The following ZNF346 variants were observed in gnomAD, a reference collection of about 807,000 sequenced individuals.
The protein encoded by ZNF346 is double-stranded RNA-binding zinc finger protein JAZ.
In ZNF346, 23 loss-of-function variants were observed where a neutral mutation model predicts 33.7. The ratio of observed to expected loss-of-function variants is 0.68; its 90% confidence interval spans 0.49 to 0.97. The LOEUF is 0.97. Ranked by LOEUF, ZNF346 falls within the 50% of genes least tolerant of loss-of-function variation. The pLI is 0.00. For synonymous variants in ZNF346, 134 were observed against 142.4 expected, an observed-to-expected ratio of 0.94 and a Z score of 0.42; for missense variants, 340 against 371.1, an observed-to-expected ratio of 0.92 and a Z score of 0.69.
intron 1 of ZNF346, among the ~76,000 whole-genome samples, chr5:177,027,656 CTT>C (rs201396588): frequency 1.4e-5 from 2 of 141,028 alleles, no homozygotes; most frequent in Admixed American, 7.1e-5. Context: ...TCTTCCTTTC[CTT>C]TTTTTTTTTT....
chr5:177,046,990 T>G (rs777928375), intron 4 of ZNF346, among the ~76,000 whole-genome samples: 1 of 151,986 alleles, frequency 6.6e-6, no homozygotes, highest in Admixed American at 6.6e-5. Flanking sequence ...TATGCACATA[T>G]GGATTACACG....
At chr5:177,044,245 C>T in intron 3 of ZNF346, 144 bp from the exon 4 acceptor site, 1 of 860,124 alleles carries the variant, frequency 1.2e-6, no homozygotes, top group Non-Finnish European at 1.8e-6. Context: ...GACAAAGTAG[C>T]TGGAGAAGAA....
At chr5:177,055,715 T>C (rs930355930) in intron 5 of ZNF346, among the ~76,000 whole-genome samples, 12 of 151,634 alleles carry the variant, frequency 7.9e-5, no homozygotes, top group Non-Finnish European at 7.4e-5. Flanking sequence ...CCAAGATAGG[T>C]GGATCACTTG....
intron 4 of ZNF346, among the ~76,000 whole-genome samples, chr5:177,045,504 A>G (rs1779912772): frequency 6.6e-6 from 1 of 151,854 alleles, no homozygotes; most frequent in South Asian, 2.1e-4. Flanking sequence ...ACAGGTGCCC[A>G]CCACCATGCC....
rs539219324 is a variant in ZNF346, at chr5:177,077,129, C to T, written c.*3-2253C>T. On this transcript the variant is annotated intron_variant, in intron 8 of 8. Coordinates refer to the ZNF346 transcript ENST00000503039. The surrounding 1 kb of genome is among the most constrained non-coding windows in gnomAD (Gnocchi z 5.0). Reference sequence around the variant, plus strand: ...CAGCCAAATATTTGTTATGTAAAGTCGTTAAGTTTAAAAGTAATGTGTTAT... The same window carrying T: ...CAGCCAAATATTTGTTATGTAAAGTTGTTAAGTTTAAAAGTAATGTGTTAT... Among the ~76,000 whole-genome samples the T allele has an allele frequency of 2.6e-5, 4 of 152,270 alleles. 1 individual carries two copies. The highest frequency in any genetic ancestry group is 7.2e-5 in the African/African-American group (3 of 41,562).
chr5:177,039,181 G>A (rs1779012012), intron 1 of ZNF346, among the ~76,000 whole-genome samples: 1 of 151,718 alleles, frequency 6.6e-6, no homozygotes, highest in Non-Finnish European at 1.5e-5. Flanking sequence ...ATTACCAATC[G>A]TGCCTGGCCA....
intron 4 of ZNF346, among the ~76,000 whole-genome samples, chr5:177,049,265 G>A (rs1013185087): frequency 3.9e-5 from 6 of 152,132 alleles, no homozygotes; most frequent in Admixed American, 2.0e-4. Flanking sequence ...ATTTCTTCTG[G>A]CTTGCCCAAA....
At chr5:177,044,753 A>G (rs889903388) in intron 4 of ZNF346, among the ~76,000 whole-genome samples, 2 of 152,158 alleles carry the variant, frequency 1.3e-5, no homozygotes, top group African/African-American at 4.8e-5. Flanking sequence ...GTTTTTCTCT[A>G]TAGGCTGAGC....
intron 5 of ZNF346, among the ~76,000 whole-genome samples, chr5:177,055,602 C>T (rs903302041): frequency 1.3e-5 from 2 of 151,972 alleles, no homozygotes; most frequent in South Asian, 2.1e-4. Flanking sequence ...TAATTTGAAC[C>T]GGCAAAGTAT....
Position 177,050,759 on chromosome 5 carries a change from C to T in ZNF346, c.526C>T (p.Gln176Ter), listed in dbSNP as rs1339933585. 1 of 1,614,178 alleles carries T rather than the reference C, an allele frequency of 6.2e-7. No homozygotes were observed. Among genetic ancestry groups the T allele is most frequent in the Non-Finnish European group, 8.5e-7 (1 of 1,180,026 alleles). The part of the protein sequence containing the change: ...QQSTKVEALH[Q>*]NREMIDPDKF... Reference sequence around the variant, plus strand: ...TGTGGCCTCCACCTTAGCCTTGCACCAGAATAGAGAGATGATAGACCCAGA... The same window carrying T: ...TGTGGCCTCCACCTTAGCCTTGCACTAGAATAGAGAGATGATAGACCCAGA... Residue 176 changes from glutamine (Q) to a stop codon, truncating the protein, a stop_gained, in exon 5 of 7, where the codon CAG becomes TAG. Coordinates refer to ENST00000358149, the MANE Select transcript of ZNF346 (RefSeq NM_012279.4). LOFTEE classifies it high-confidence loss of function.
Position 177,064,796 on chromosome 5 carries a change from G to A in ZNF346, c.*197G>A. The A allele has an allele frequency of 1.7e-6, 1 of 587,964 alleles. No individual in the cohort carries two copies. The highest frequency in any genetic ancestry group is 1.9e-5 in the African/African-American group (1 of 53,802). The allele number at this position is 587,964 out of a possible 1,614,324, so 36.4% of individuals were successfully genotyped here. The stretch of plus-strand genomic sequence containing the variant: ...CTCCCCTTTGGCAGGGGTCCTGTAG[G>A]TCATGACAGGGGAGGCAAGGGTATT... On this transcript the variant is annotated 3_prime_UTR_variant, in exon 7 of 7. Coordinates refer to ENST00000358149, the MANE Select transcript of ZNF346 (RefSeq NM_012279.4).
At chr5:177,072,718 G>T (rs528784402), downstream of ZNF346, among the ~76,000 whole-genome samples, 7 of 152,072 alleles carry the variant, frequency 4.6e-5, no homozygotes, top group Non-Finnish European at 1.0e-4. Context: ...GCGTGGTGGC[G>T]CACGTCTGTA....
intron 1 of ZNF346, among the ~76,000 whole-genome samples, chr5:177,026,934 C>G (rs1776865046): frequency 6.6e-6 from 1 of 152,080 alleles, no homozygotes; most frequent in African/African-American, 2.4e-5. Context: ...GTGGCAATAG[C>G]AAGCAGTTTT....
At chr5:177,030,326 T>G (rs1777491509) in intron 1 of ZNF346, among the ~76,000 whole-genome samples, 2 of 151,968 alleles carry the variant, frequency 1.3e-5, no homozygotes, top group Admixed American at 1.3e-4. Flanking sequence ...TCCTTTTAAA[T>G]GTAGTGCAAC....
chr5:177,030,856 A>G (rs991333012), intron 1 of ZNF346, among the ~76,000 whole-genome samples: 2 of 150,162 alleles, frequency 1.3e-5, no homozygotes, highest in African/African-American at 2.5e-5. Context: ...TGTAAATAGA[A>G]TTGTATAAAT....
intron 5 of ZNF346, among the ~76,000 whole-genome samples, chr5:177,052,212 G>A (rs1781036441): frequency 6.7e-6 from 1 of 149,842 alleles, no homozygotes; most frequent in Non-Finnish European, 1.5e-5. Context: ...CTGTCTCCCA[G>A]GCTGGAGTAC....
intron 5 of ZNF346, chr5:177,052,013 A>C (rs929618580): frequency 3.3e-5 from 5 of 152,094 alleles, no homozygotes; most frequent in African/African-American, 9.7e-5. Context: ...AAAATTTTAA[A>C]TATTAGCTGG....
chr5:177,023,381 T>A (rs1384284995), intron 1 of ZNF346: 1 of 659,392 alleles, frequency 1.5e-6, no homozygotes, highest in Non-Finnish European at 2.7e-6. Flanking sequence ...CCTGGGTTCC[T>A]CCTGGTCTTG....
chr5:177,036,965 G>A (rs1205184757), intron 1 of ZNF346, among the ~76,000 whole-genome samples: 1 of 151,352 alleles, frequency 6.6e-6, no homozygotes, highest in African/African-American at 2.4e-5. Flanking sequence ...TTCCCCATCT[G>A]GGGAAAAAAA....
Sources: allele counts gnomAD v4.1 joint callset (sites outside exome capture counted in the v4.1 genomes callset), GRCh38; gene constraint gnomAD v4.1.1; non-coding constraint Gnocchi (gnomAD v3.1); transcripts MANE v1.5; gene names NCBI Gene and HGNC (gene_info 2026-07-23, HGNC 2026-07-21).